LOC128462377: variants seen among roughly 807,000 people sequenced by gnomAD.
chr16:89,328,525 T>C, the LOC128462377 span, among the ~76,000 whole-genome samples: 6 of 152,156 alleles, frequency 3.9e-5, no homozygotes, highest in Non-Finnish European at 8.8e-5. Context: ...TGGCTATGGA[T>C]ACACCCAAGC....
At chr16:89,408,356 C>T in the LOC128462377 span, among the ~76,000 whole-genome samples, 1 of 152,234 alleles carries the variant, frequency 6.6e-6, no homozygotes, top group Non-Finnish European at 1.5e-5. Context: ...GCAAAACCAC[C>T]AGGTTTGATG....
the LOC128462377 span, among the ~76,000 whole-genome samples, chr16:89,364,069 C>A: frequency 6.9e-6 from 1 of 145,046 alleles, no homozygotes; most frequent in Non-Finnish European, 1.5e-5. Context: ...TGATTTAAAA[C>A]ACACACACAC....
chr16:89,366,568 G>A, the LOC128462377 span, among the ~76,000 whole-genome samples: 3 of 152,266 alleles, frequency 2.0e-5, no homozygotes, highest in Middle Eastern at 3.4e-3. Flanking sequence ...CAGTTTTCAC[G>A]ATCAGCTGGT....
chr16:89,331,296 T>C, the LOC128462377 span, among the ~76,000 whole-genome samples: 4 of 152,234 alleles, frequency 2.6e-5, no homozygotes, highest in Admixed American at 6.5e-5. Flanking sequence ...TGTTTCTTTT[T>C]ACTCTATAAT....
the LOC128462377 span, among the ~76,000 whole-genome samples, chr16:89,399,344 C>T: frequency 1.3e-5 from 2 of 152,166 alleles, no homozygotes; most frequent in South Asian, 4.2e-4. Flanking sequence ...CAGAATATTA[C>T]CAGGCCCTGA....
chr16:89,389,821 C>T, the LOC128462377 span, among the ~76,000 whole-genome samples: 1 of 140,394 alleles, frequency 7.1e-6, no homozygotes, highest in African/African-American at 2.7e-5. Context: ...GAGAAGATCA[C>T]TAGGGCAAAC....
At chr16:89,349,859 AAAACAC>A in the LOC128462377 span, among the ~76,000 whole-genome samples, 2 of 125,254 alleles carry the variant, frequency 1.6e-5, no homozygotes, top group Non-Finnish European at 3.3e-5. Context: ...AATACTTGTT[AAAACAC>A]ACACACACAC....
the LOC128462377 span, among the ~76,000 whole-genome samples, chr16:89,362,233 C>T: frequency 6.6e-6 from 1 of 152,220 alleles, no homozygotes; most frequent in Non-Finnish European, 1.5e-5. Context: ...ACTGGACAAA[C>T]TGAACGGCAC....
the LOC128462377 span, among the ~76,000 whole-genome samples, chr16:89,349,405 G>A: frequency 5.9e-5 from 9 of 152,038 alleles, no homozygotes; most frequent in South Asian, 6.2e-4. Context: ...GCGTGAACCC[G>A]GGAGGCGGAG....
the LOC128462377 span, among the ~76,000 whole-genome samples, chr16:89,398,131 A>T: frequency 6.6e-6 from 1 of 150,956 alleles, no homozygotes; most frequent in Non-Finnish European, 1.5e-5. Flanking sequence ...CAAGAGGGAC[A>T]CTGTGAAACA....
At chr16:89,349,891 CACACACACACACACACACACAT>C in the LOC128462377 span, among the ~76,000 whole-genome samples, 7 of 137,618 alleles carry the variant, frequency 5.1e-5, no homozygotes, top group South Asian at 4.6e-4. Context: ...CACACACACA[CACACACACACACACACACACAT>C]ATTCAAACAA....
the LOC128462377 span, among the ~76,000 whole-genome samples, chr16:89,372,528 C>T: frequency 6.6e-6 from 1 of 152,078 alleles, no homozygotes; most frequent in African/African-American, 2.4e-5. Context: ...AGAGACGCCA[C>T]TGAAACATGA....
chr16:89,401,385 T>C, the LOC128462377 span, among the ~76,000 whole-genome samples: 1 of 152,170 alleles, frequency 6.6e-6, no homozygotes, highest in Non-Finnish European at 1.5e-5. Flanking sequence ...ATTAAATTTC[T>C]CTCTTGATTA....
the LOC128462377 span, among the ~76,000 whole-genome samples, chr16:89,382,762 G>C: frequency 6.6e-6 from 1 of 152,188 alleles, no homozygotes; most frequent in Non-Finnish European, 1.5e-5. Context: ...TTATAGGTGT[G>C]AGTCAACTGT....
At chr16:89,405,491 A>ATT in the LOC128462377 span, among the ~76,000 whole-genome samples, 436 of 111,436 alleles carry the variant, frequency 3.9e-3, 3 homozygotes, top group African/African-American at 0.013. Context: ...CACCTGGCTC[A>ATT]TTTTTTTTTT....
the LOC128462377 span, among the ~76,000 whole-genome samples, chr16:89,369,696 C>A: frequency 1.7e-4 from 26 of 152,302 alleles, no homozygotes; most frequent in East Asian, 5.0e-3. Context: ...GGGACACAGG[C>A]ATCTGCATCT....
At chr16:89,330,603 G>T in the LOC128462377 span, among the ~76,000 whole-genome samples, 4 of 148,592 alleles carry the variant, frequency 2.7e-5, no homozygotes, top group Admixed American at 2.0e-4. Flanking sequence ...TCGGAAGCAA[G>T]GGGCTGCGTG....
chr16:89,358,297 T>C, the LOC128462377 span, among the ~76,000 whole-genome samples: 2 of 152,228 alleles, frequency 1.3e-5, no homozygotes, highest in Non-Finnish European at 2.9e-5. Flanking sequence ...GTTCCTTCCC[T>C]TCTGTTGGCC....
the LOC128462377 span, among the ~76,000 whole-genome samples, chr16:89,396,939 G>A: frequency 1.4e-4 from 17 of 124,078 alleles, no homozygotes; most frequent in East Asian, 5.1e-4. Context: ...CAGCTGCCTC[G>A]GTTTCCCAGA....
Sources: allele counts gnomAD v4.1 joint callset (sites outside exome capture counted in the v4.1 genomes callset), GRCh38; gene constraint gnomAD v4.1.1; transcripts MANE v1.5.